The following GABRG3 variants were observed in gnomAD, a reference collection of about 807,000 sequenced individuals.
GABRG3 encodes the protein gamma-aminobutyric acid receptor subunit gamma-3.
A neutral mutation model predicts 48.8 loss-of-function variants in GABRG3; 25 were observed. That is an observed-to-expected ratio of 0.51 (90% confidence interval 0.37 to 0.72). The LOEUF is 0.72. GABRG3 is among the 30% of genes least tolerant of loss of function. The probability of loss-of-function intolerance (pLI) is 0.00; values close to 1 mark genes in which losing one functional copy is unlikely to be tolerated. For missense variants in GABRG3, 394 were observed against 577.9 expected (o/e 0.68, Z 3.26); for synonymous variants, 227 against 217.6 (o/e 1.04, Z -0.38).
At chr15:27,418,198 G>T (rs1353848558) in intron 5 of GABRG3, among the ~76,000 whole-genome samples, 1 of 152,236 alleles carries the variant, frequency 6.6e-6, no homozygotes, top group Non-Finnish European at 1.5e-5. Flanking sequence ...TGTGAGCCCA[G>T]TGCTGGCTCC....
chr15:27,182,436 G>A (rs1363722597), intron 3 of GABRG3, among the ~76,000 whole-genome samples: 1 of 152,144 alleles, frequency 6.6e-6, no homozygotes, highest in Non-Finnish European at 1.5e-5. Context: ...GGTTTGGCTG[G>A]GCTGTATGAT....
chr15:27,460,657 ACT>A (rs1193659035), intron 5 of GABRG3, among the ~76,000 whole-genome samples: 1 of 151,974 alleles, frequency 6.6e-6, no homozygotes, highest in Admixed American at 6.6e-5. Context: ...GGATTCAGAG[ACT>A]CTCTGATTTG....
chr15:27,156,421 A>G (rs1898430883), intron 3 of GABRG3, among the ~76,000 whole-genome samples: 1 of 151,582 alleles, frequency 6.6e-6, no homozygotes, highest in Non-Finnish European at 1.5e-5. Flanking sequence ...ATTCCCATGC[A>G]TTGGTGTGTC....
intron 3 of GABRG3, among the ~76,000 whole-genome samples, chr15:27,305,550 CATA>C (rs1374525080): frequency 2.1e-5 from 3 of 140,870 alleles, no homozygotes; most frequent in Admixed American, 7.3e-5. Flanking sequence ...TATATATAAA[CATA>C]ATATAAACCT....
At chr15:27,321,544 A>G (rs910484737) in intron 3 of GABRG3, among the ~76,000 whole-genome samples, 3 of 152,262 alleles carry the variant, frequency 2.0e-5, no homozygotes, top group African/African-American at 7.2e-5. Flanking sequence ...ACTGCATTAT[A>G]CATTGTTAGA....
rs187159386 is a variant in GABRG3 at position 26,976,177 on chromosome 15, C to A, written c.54-825C>A. Among the ~76,000 whole-genome samples, 34 of 151,996 alleles carry A rather than the reference C, an allele frequency of 2.2e-4. 1 individual carries two copies. Among genetic ancestry groups the A allele is most frequent in the Non-Finnish European group, 4.3e-4 (29 of 68,024 alleles). On this transcript the variant is annotated intron_variant, in intron 1 of 9. Transcript: ENST00000615808. The surrounding 1 kb of genome is among the most constrained non-coding windows in gnomAD (Gnocchi z 7.8). ...ATCCTGAGGCCTCTCCATTCAGGCA[C>A]TCCTGTCAGTGTGTGTCACACGGGA...
chr15:27,498,683 G>T (rs572308389), intron 6 of GABRG3, among the ~76,000 whole-genome samples: 2 of 151,848 alleles, frequency 1.3e-5, no homozygotes, highest in Non-Finnish European at 2.9e-5. Context: ...GTAGAGACAG[G>T]GTTTCACCGT....
At chr15:27,305,645 T>C (rs1051024199) in intron 3 of GABRG3, among the ~76,000 whole-genome samples, 1 of 129,954 alleles carries the variant, frequency 7.7e-6, no homozygotes, top group African/African-American at 2.8e-5. Context: ...CCTATATGTT[T>C]ATATATAAAC....
chr15:27,023,935 C>T (rs368320955), intron 2 of GABRG3, among the ~76,000 whole-genome samples: 20 of 152,188 alleles, frequency 1.3e-4, no homozygotes, highest in African/African-American at 3.9e-4. Flanking sequence ...ACAAGGATTA[C>T]AATTTCTTCA....
chr15:27,026,338 G>A (rs565795388), intron 2 of GABRG3, among the ~76,000 whole-genome samples: 1 of 152,142 alleles, frequency 6.6e-6, no homozygotes, highest in African/African-American at 2.4e-5. Flanking sequence ...ACCCAACAAC[G>A]TCACTGACAT....
chr15:27,295,024 C>G (rs1891933020), intron 3 of GABRG3: 1 of 152,104 alleles, frequency 6.6e-6, no homozygotes, highest in Admixed American at 6.6e-5. Context: ...AAATGAAGCA[C>G]TGGTCAGATT....
At chr15:27,088,743 G>A (rs1056138945) in intron 3 of GABRG3, among the ~76,000 whole-genome samples, 1 of 152,088 alleles carries the variant, frequency 6.6e-6, no homozygotes, top group African/African-American at 2.4e-5. Context: ...GGGGGAAACC[G>A]TCCCCAAAAT....
In GABRG3 at chr15:26,975,380, T is replaced by C. The variant is rs1894921260; in HGVS notation, c.54-1622T>C. Among the ~76,000 whole-genome samples the C allele has an allele frequency of 6.6e-6, 1 of 152,212 alleles. No individual in the cohort carries two copies. Among genetic ancestry groups the C allele is most frequent in the Non-Finnish European group, 1.5e-5 (1 of 68,028 alleles). On this transcript the variant is annotated intron_variant, in intron 1 of 9. Transcript: ENST00000615808. This position sits in a 1 kb window ranked among gnomAD's most constrained non-coding sequence, Gnocchi z 4.6. ...CTATGGATGATTCAATTTAACCTTC[T>C]AGCCAATAGGTACTCAAGAAATAGA...
chr15:27,474,151 A>G (rs767561285), intron 5 of GABRG3, among the ~76,000 whole-genome samples: 5 of 152,210 alleles, frequency 3.3e-5, no homozygotes, highest in Non-Finnish European at 7.3e-5. Context: ...ATTACCTGAT[A>G]TGAAGACTTC....
At chr15:27,470,942 AT>A (rs1889771093) in intron 5 of GABRG3, among the ~76,000 whole-genome samples, 1 of 151,824 alleles carries the variant, frequency 6.6e-6, no homozygotes, top group South Asian at 2.1e-4. Flanking sequence ...TAGATCCCTG[AT>A]CCATTTGGAA....
intron 5 of GABRG3, among the ~76,000 whole-genome samples, chr15:27,329,421 C>T (rs1893731105): frequency 6.6e-6 from 1 of 152,218 alleles, no homozygotes; most frequent in East Asian, 1.9e-4. Flanking sequence ...CGTGCTACCA[C>T]ACCCAGCTAA....
intron 3 of GABRG3, among the ~76,000 whole-genome samples, chr15:27,290,077 C>G (rs1374272206): frequency 2.3e-4 from 35 of 151,944 alleles, no homozygotes; most frequent in Admixed American, 2.3e-3. Flanking sequence ...AAAGCAAGGA[C>G]ATGCTAAAAC....
intron 3 of GABRG3, among the ~76,000 whole-genome samples, chr15:27,138,125 C>T (rs572325206): frequency 6.6e-6 from 1 of 152,176 alleles, no homozygotes; most frequent in Non-Finnish European, 1.5e-5. Context: ...CAGTGGCAAC[C>T]ACTTTCAGCC....
rs36008927 is a variant in GABRG3 at position 27,458,690 on chromosome 15, CA to C, written c.575-21949del. 3.7e-3 allele frequency among the ~76,000 whole-genome samples: 531 copies of C among 145,144 alleles called. 2 individuals carry two copies. The highest frequency in any genetic ancestry group is 9.5e-3 in the African/African-American group (382 of 40,170). On this transcript the variant is annotated intron_variant, in intron 5 of 9. Transcript: ENST00000615808. ...GCTCACTTTCTCCATATGCCTCTGA[CA>C]AAAAAAAAAATAACCAAAAGGAGAA...
Sources: allele counts gnomAD v4.1 joint callset (sites outside exome capture counted in the v4.1 genomes callset), GRCh38; gene constraint gnomAD v4.1.1; non-coding constraint Gnocchi (gnomAD v3.1); transcripts MANE v1.5; gene names NCBI Gene and HGNC (gene_info 2026-07-23, HGNC 2026-07-21).